CNBD1: variants seen among roughly 807,000 people sequenced by gnomAD.
CNBD1 encodes the protein cyclic nucleotide-binding domain-containing protein 1.
In CNBD1, 71 loss-of-function variants were observed where a neutral mutation model predicts 54.4. The observed-to-expected ratio is 1.30, with a 90% CI of 1.08 to 1.59. The LOEUF is 1.59. Among genes scored for constraint, CNBD1 ranks in the 40% most tolerant of loss-of-function variants. The pLI, the probability that CNBD1 is intolerant of heterozygous loss-of-function variation, is 0.00. For synonymous variants in CNBD1, 182 were observed against 170.7 expected (o/e 1.07, Z -0.51); for missense variants, 659 against 518.0 (o/e 1.27, Z -2.64).
chr8:87,367,229 T>C (rs909529816), intron 10 of CNBD1, among the ~76,000 whole-genome samples: 1 of 152,094 alleles, frequency 6.6e-6, no homozygotes. Flanking sequence ...CTTATGTAGC[T>C]TGTTTGTCAA....
chr8:87,249,905 T>C (rs563934814), intron 6 of CNBD1, among the ~76,000 whole-genome samples: 2 of 152,282 alleles, frequency 1.3e-5, no homozygotes, highest in South Asian at 2.1e-4. Context: ...CTTTGGGACA[T>C]TGGCCTGAAC....
Position 87,213,561 on chromosome 8 carries a change from A to C in CNBD1, c.577+7423A>C, listed in dbSNP as rs142363430. On this transcript the variant is annotated intron_variant, in intron 5 of 10. Coordinates refer to ENST00000518476, the MANE Select transcript of CNBD1 (RefSeq NM_173538.3). Reference sequence around the variant, plus strand: ...GATCTCATGAGACTTATTCACTACCATGACAACAGTATGGGAGAAACAACC... The same window carrying C: ...GATCTCATGAGACTTATTCACTACCCTGACAACAGTATGGGAGAAACAACC... Among the ~76,000 whole-genome samples the C allele has an allele frequency of 5.0e-3, 758 of 152,256 alleles. 4 individuals carry two copies. The highest frequency in any genetic ancestry group is 8.5e-3 in the Non-Finnish European group (575 of 68,018).
At chr8:87,420,985 G>T (rs551739148) in intron 2 of CNBD1, among the ~76,000 whole-genome samples, 1 of 151,936 alleles carries the variant, frequency 6.6e-6, no homozygotes, top group East Asian at 1.9e-4. Flanking sequence ...GCCAAACACA[G>T]GTTGGGAAAG....
intron 4 of CNBD1, among the ~76,000 whole-genome samples, chr8:87,137,114 T>TTTTTATTATATGTAAATTATATA (rs1563482913): frequency 1.6e-4 from 10 of 61,998 alleles, no homozygotes; most frequent in African/African-American, 6.5e-4. Context: ...ATTATATATA[T>TTTTTATTATATGTAAATTATATA]TATATTTTTA....
chr8:87,066,262 G>A (rs1047058599), intron 4 of CNBD1, among the ~76,000 whole-genome samples: 3 of 151,902 alleles, frequency 2.0e-5, no homozygotes, highest in Non-Finnish European at 4.4e-5. Flanking sequence ...TTGAAACAAA[G>A]ATGAACTGGA....
At chr8:87,382,935 A>G (rs559486291), downstream of CNBD1, 2 of 231,548 alleles carry the variant, frequency 8.6e-6, no homozygotes, top group Non-Finnish European at 1.7e-5. Flanking sequence ...TAAAAGTTAT[A>G]TGTAAATGTT....
intron 4 of CNBD1, among the ~76,000 whole-genome samples, chr8:87,010,329 A>G (rs1388509451): frequency 6.6e-6 from 1 of 152,028 alleles, no homozygotes; most frequent in Non-Finnish European, 1.5e-5. Context: ...TCAGTCTGAC[A>G]TTGGTCTGTC....
Position 87,002,406 on chromosome 8 carries a change from G to GC in CNBD1, c.431+62654dup, listed in dbSNP as rs1387409553. On this transcript the variant is annotated intron_variant, in intron 4 of 10. Transcript: ENST00000518476. ...TGTTCCAAAGCCTAGGAGAGTAAAA[G>GC]CCAGAGTCCTTTCGATATCCCACAG... is the stretch of plus-strand genomic sequence containing the variant. Among the ~76,000 whole-genome samples the GC allele has an allele frequency of 2.0e-5, 3 of 152,228 alleles. 1 individual carries two copies. The South Asian group carries it at 6.2e-4, about 32-fold the overall frequency.
At chr8:87,221,622 G>A (rs1384185051) in intron 5 of CNBD1, among the ~76,000 whole-genome samples, 1 of 151,752 alleles carries the variant, frequency 6.6e-6, no homozygotes, top group South Asian at 2.1e-4. Context: ...ATCATTTTAT[G>A]TACTCATTTA....
intron 4 of CNBD1, among the ~76,000 whole-genome samples, chr8:87,037,568 T>G (rs576016678): frequency 4.6e-5 from 7 of 152,258 alleles, no homozygotes; most frequent in African/African-American, 1.7e-4. Context: ...GATGAAAATT[T>G]TTTCAGCTTT....
intron 6 of CNBD1, among the ~76,000 whole-genome samples, chr8:87,271,842 T>C (rs1400105739): frequency 1.3e-5 from 2 of 151,118 alleles, no homozygotes. Flanking sequence ...GTAGCCCAGA[T>C]ACAGAAGCAA....
rs186978761 is a variant in CNBD1 at position 87,284,444 on chromosome 8, G to A, written c.772-234G>A. ...ACTCTAATAGGCACTTTAAATCACT[G>A]AATAAAACAGAAGATTTTTTATGTT... On this transcript the variant is annotated intron_variant, in intron 6 of 10. Transcript: ENST00000518476. Among the ~76,000 whole-genome samples, 592 of 152,138 alleles carry A rather than the reference G, an allele frequency of 3.9e-3. 2 individuals are homozygous for A. Among genetic ancestry groups the A allele is most frequent in the African/African-American group, 0.013 (557 of 41,502 alleles).
At chr8:87,199,184 A>G (rs1478771324) in intron 4 of CNBD1, among the ~76,000 whole-genome samples, 1 of 152,190 alleles carries the variant, frequency 6.6e-6, no homozygotes, top group Non-Finnish European at 1.5e-5. Context: ...AGGGACAAAT[A>G]TCCAAACTAC....
chr8:87,360,885 A>G (rs1205207148), intron 10 of CNBD1, among the ~76,000 whole-genome samples: 3 of 151,942 alleles, frequency 2.0e-5, no homozygotes, highest in Admixed American at 2.0e-4. Context: ...AATACAAAGC[A>G]CAGGAGGTCA....
At chr8:87,237,800 A>T (rs1211511240) in intron 6 of CNBD1, among the ~76,000 whole-genome samples, 3 of 152,122 alleles carry the variant, frequency 2.0e-5, no homozygotes, top group Non-Finnish European at 4.4e-5. Context: ...CAATCAGAAA[A>T]ATCCAGAACT....
intron 6 of CNBD1, among the ~76,000 whole-genome samples, chr8:87,244,299 A>T (rs1807759484): frequency 6.6e-6 from 1 of 152,314 alleles, no homozygotes; most frequent in South Asian, 2.1e-4. Flanking sequence ...CTATGCATCT[A>T]TCTCAATGAG....
chr8:87,135,525 C>T (rs745628896), intron 4 of CNBD1, among the ~76,000 whole-genome samples: 12 of 149,648 alleles, frequency 8.0e-5, no homozygotes, highest in Non-Finnish European at 1.6e-4. Context: ...TAAAGCAATA[C>T]ATTTAAGGGG....
chr8:87,233,642 C>T (rs1267226164), intron 5 of CNBD1, among the ~76,000 whole-genome samples: 2 of 152,064 alleles, frequency 1.3e-5, no homozygotes, highest in African/African-American at 4.8e-5. Context: ...TTCTCTCTCT[C>T]TCTCTCCTTT....
chr8:87,372,058 G>A (rs942253834), intron 10 of CNBD1, among the ~76,000 whole-genome samples: 1 of 152,122 alleles, frequency 6.6e-6, no homozygotes, highest in East Asian at 1.9e-4. Flanking sequence ...GTCCCTGTTT[G>A]CAGACGACAT....
Sources: allele counts gnomAD v4.1 joint callset (sites outside exome capture counted in the v4.1 genomes callset), GRCh38; gene constraint gnomAD v4.1.1; transcripts MANE v1.5; gene names NCBI Gene and HGNC (gene_info 2026-07-23, HGNC 2026-07-21).